The following TENM3 variants were observed in gnomAD, a reference collection of about 807,000 sequenced individuals.
The protein encoded by TENM3 is teneurin-3.
In TENM3, 63 loss-of-function variants were observed where a neutral mutation model predicts 255.1. That is an observed-to-expected ratio of 0.25 (90% CI 0.20 to 0.30). The LOEUF (loss-of-function observed/expected upper bound fraction) is 0.30. Among genes scored for constraint, TENM3 ranks in the 10% least tolerant of loss-of-function variants. The pLI, the probability that TENM3 is intolerant of heterozygous loss-of-function variation, is 1.00. For synonymous variants in TENM3, 1,306 were observed against 1,322.3 expected, an observed-to-expected ratio of 0.99 and a Z score of 0.27; for missense variants, 2,929 against 3,461.1, an observed-to-expected ratio of 0.85 and a Z score of 3.86.
At chr4:182,225,242 G>T (rs1439035802) in intron 1 of TENM3, among the ~76,000 whole-genome samples, 1 of 152,048 alleles carries the variant, frequency 6.6e-6, no homozygotes, top group Non-Finnish European at 1.5e-5. Context: ...TGTTGTTTTG[G>T]GTCTCAGGAT....
chr4:182,291,069 C>T (rs1386434130), intron 1 of TENM3, among the ~76,000 whole-genome samples: 1 of 152,144 alleles, frequency 6.6e-6, no homozygotes, highest in African/African-American at 2.4e-5. Context: ...GATCCTCCCA[C>T]CTTGGCCTCC....
chr4:182,385,262 C>CTTTTT lies in TENM3; in HGVS notation c.511+38349_511+38353dup, dbSNP rs397762118. Reference sequence around the variant, plus strand: ...GGGAAAAGGAAGTTTTATTGTGCGTCTTTTTTTTTTTTTTTTTTTTGAGAC... The same window carrying CTTTTT: ...GGGAAAAGGAAGTTTTATTGTGCGTCTTTTTTTTTTTTTTTTTTTTTTTTTGAGAC... On this transcript the variant is annotated intron_variant, in intron 3 of 27. Coordinates refer to ENST00000511685, the MANE Select transcript of TENM3 (RefSeq NM_001080477.4). Among the ~76,000 whole-genome samples the CTTTTT allele has an allele frequency of 2.6e-3, 292 of 112,084 alleles. 19 individuals carry two copies. In the East Asian group the frequency reaches 0.048, roughly 18 times the overall value. 73.5% of individuals were successfully genotyped at this position (112,084 alleles called of 152,430 possible).
chr4:181,755,852 G>C, the TENM3 span, among the ~76,000 whole-genome samples: 1 of 152,220 alleles, frequency 6.6e-6, no homozygotes, highest in East Asian at 1.9e-4. Flanking sequence ...GTGTTTACAA[G>C]ACTGTCTGCA....
intron 1 of TENM3, among the ~76,000 whole-genome samples, chr4:182,218,981 G>T (rs1755687769): frequency 6.6e-6 from 1 of 152,230 alleles, no homozygotes; most frequent in Admixed American, 6.5e-5. Context: ...TCCCAGCACT[G>T]GGAGGCCGAG....
chr4:181,519,758 G>A, the TENM3 span, among the ~76,000 whole-genome samples: 13 of 152,170 alleles, frequency 8.5e-5, no homozygotes, highest in East Asian at 1.7e-3. Flanking sequence ...GAAATTGTTC[G>A]TGGGGGCTGG....
chr4:181,981,369 T>C, the TENM3 span, among the ~76,000 whole-genome samples: 1 of 152,270 alleles, frequency 6.6e-6, no homozygotes, highest in East Asian at 1.9e-4. Context: ...GAGGAGGGAC[T>C]TGAAGACTTA....
intron 2 of TENM3, among the ~76,000 whole-genome samples, chr4:182,334,040 C>G (rs1259133907): frequency 6.6e-6 from 1 of 152,162 alleles, no homozygotes; most frequent in Admixed American, 6.5e-5. Flanking sequence ...CATAATTTCT[C>G]TATGCCTCCA....
the TENM3 span, among the ~76,000 whole-genome samples, chr4:181,553,761 C>T: frequency 6.6e-6 from 1 of 152,044 alleles, no homozygotes; most frequent in Non-Finnish European, 1.5e-5. Flanking sequence ...TCTTTATTCC[C>T]ATGGAGTTTG....
intron 1 of TENM3, among the ~76,000 whole-genome samples, chr4:182,256,733 A>G (rs916331598): frequency 2.0e-5 from 3 of 152,114 alleles, no homozygotes; most frequent in Admixed American, 6.5e-5. Flanking sequence ...TTTTTTAATG[A>G]ATTTTGATAT....
chr4:182,185,835 A>G (rs901842436), intron 1 of TENM3, among the ~76,000 whole-genome samples: 2 of 152,212 alleles, frequency 1.3e-5, no homozygotes, highest in African/African-American at 4.8e-5. Context: ...CAGTGTGCCA[A>G]AGTGATTCAA....
chr4:182,419,841 T>G (rs1770678181), intron 3 of TENM3, among the ~76,000 whole-genome samples: 3 of 125,548 alleles, frequency 2.4e-5, no homozygotes, highest in Non-Finnish European at 3.2e-5. Context: ...GGACACGGGG[T>G]GAGGAACATC....
intron 1 of TENM3, chr4:182,144,969 C>T (rs1021907948): frequency 6.6e-6 from 1 of 151,946 alleles, no homozygotes; most frequent in Non-Finnish European, 1.5e-5. Flanking sequence ...GCCGCCGGCT[C>T]AGGTGGGAAC....
At chr4:182,119,124 G>A in the TENM3 span, among the ~76,000 whole-genome samples, 677 of 152,200 alleles carry the variant, frequency 4.4e-3, 9 homozygotes, top group African/African-American at 0.015. Context: ...TGGCTGGAAG[G>A]GGCTAGAGAT....
At chr4:182,249,510 G>A (rs1366357908) in intron 1 of TENM3, among the ~76,000 whole-genome samples, 1 of 152,168 alleles carries the variant, frequency 6.6e-6, no homozygotes, top group Non-Finnish European at 1.5e-5. Flanking sequence ...AAACACAATG[G>A]TGGACCATGC....
the TENM3 span, among the ~76,000 whole-genome samples, chr4:182,078,987 T>C: frequency 6.6e-6 from 1 of 152,148 alleles, no homozygotes; most frequent in East Asian, 1.9e-4. Flanking sequence ...AATCTGAAGA[T>C]TGCAGCTAAC....
At chr4:182,616,503 C>A (rs1749531233) in intron 4 of TENM3, among the ~76,000 whole-genome samples, 1 of 96,220 alleles carries the variant, frequency 1.0e-5, no homozygotes, top group Non-Finnish European at 2.0e-5. Context: ...GCACATGTAC[C>A]CTAAAACTTA....
chr4:182,373,856 C>T (rs1767006617), intron 3 of TENM3, among the ~76,000 whole-genome samples: 2 of 152,146 alleles, frequency 1.3e-5, no homozygotes, highest in Admixed American at 1.3e-4. Context: ...TCTCTCTTAA[C>T]AGCTATACAA....
At chr4:182,315,142 T>C (rs1762680508) in intron 1 of TENM3, among the ~76,000 whole-genome samples, 1 of 152,230 alleles carries the variant, frequency 6.6e-6, no homozygotes, top group African/African-American at 2.4e-5. Flanking sequence ...ACGGCTACGA[T>C]GATTGCTTAG....
the TENM3 span, among the ~76,000 whole-genome samples, chr4:182,034,764 A>G: frequency 6.6e-6 from 1 of 152,148 alleles, no homozygotes; most frequent in African/African-American, 2.4e-5. Flanking sequence ...TGTTAGTCTA[A>G]TGGGCTTTCC....
Sources: allele counts gnomAD v4.1 joint callset (sites outside exome capture counted in the v4.1 genomes callset), GRCh38; gene constraint gnomAD v4.1.1; transcripts MANE v1.5; gene names NCBI Gene and HGNC (gene_info 2026-07-23, HGNC 2026-07-21).